The following NAV3 variants were observed in gnomAD, a reference collection of about 807,000 sequenced individuals.
NAV3 encodes the protein neuron navigator 3.
A neutral mutation model predicts 244.7 loss-of-function variants in NAV3; 87 were observed. The observed-to-expected ratio is 0.36, with a 90% CI of 0.30 to 0.42. NAV3 has a LOEUF of 0.42. Ranked by LOEUF, NAV3 falls within the 20% of genes least tolerant of loss-of-function variation. NAV3 has a pLI of 1.00. For missense variants in NAV3, 2,663 were observed against 2,893.3 expected, an observed-to-expected ratio of 0.92 and a Z score of 1.83; for synonymous variants, 1,126 against 1,042.2, an observed-to-expected ratio of 1.08 and a Z score of -1.55.
chr12:77,770,111 G>C (rs1404790194), intron 2 of NAV3, among the ~76,000 whole-genome samples: 1 of 152,148 alleles, frequency 6.6e-6, no homozygotes, highest in Non-Finnish European at 1.5e-5. Flanking sequence ...TGTAAGGCTA[G>C]AGCTCAACAG....
chr12:78,048,816 A>G (rs1882273372), intron 9 of NAV3, among the ~76,000 whole-genome samples: 1 of 152,166 alleles, frequency 6.6e-6, no homozygotes, highest in Non-Finnish European at 1.5e-5. Flanking sequence ...GCCTGCGCCC[A>G]CAGCCGCCCC....
intron 1 of NAV3, among the ~76,000 whole-genome samples, chr12:77,856,094 A>T (rs945948458): frequency 3.7e-4 from 56 of 152,290 alleles, no homozygotes; most frequent in African/African-American, 1.3e-3. Context: ...TATAATTTTT[A>T]AGAAACGTTC....
Position 78,148,839 on chromosome 12 carries a change from C to T in NAV3, c.4708-3C>T, listed in dbSNP as rs747342789. On this transcript the variant is annotated splice_polypyrimidine_tract_variant and splice_region_variant and intron_variant, in intron 21 of 39. Coordinates refer to ENST00000397909, the MANE Select transcript of NAV3 (RefSeq NM_001024383.2). Reference sequence around the variant, plus strand: ...TTCCATTGATTTTTTTAATTGCATTCAGCAAATCCATAAACTGCGGAGAGA... The same window carrying T: ...TTCCATTGATTTTTTTAATTGCATTTAGCAAATCCATAAACTGCGGAGAGA... 2.5e-6 allele frequency: 4 copies of T among 1,610,692 alleles called. No homozygotes were observed. The highest frequency in any genetic ancestry group is 3.4e-6 in the Non-Finnish European group (4 of 1,178,322).
At chr12:77,584,765 G>C (rs1869522588) in intron 2 of NAV3, among the ~76,000 whole-genome samples, 1 of 152,202 alleles carries the variant, frequency 6.6e-6, no homozygotes, top group Non-Finnish European at 1.5e-5. Flanking sequence ...CAGACAGTAT[G>C]TGCTACTTGG....
intron 12 of NAV3, among the ~76,000 whole-genome samples, chr12:78,086,796 G>A (rs1953660331): frequency 1.3e-5 from 2 of 151,972 alleles, no homozygotes; most frequent in Non-Finnish European, 2.9e-5. Flanking sequence ...TTTCCTCTAT[G>A]ATCACTTCTT....
intron 8 of NAV3, among the ~76,000 whole-genome samples, chr12:78,010,019 AGCC>A (rs1171975494): frequency 6.6e-6 from 1 of 152,198 alleles, no homozygotes; most frequent in Non-Finnish European, 1.5e-5. Context: ...CTTTGAGACC[AGCC>A]TGTACACCAG....
At chr12:77,938,671 A>G (rs1208360049) in intron 1 of NAV3, among the ~76,000 whole-genome samples, 2 of 152,114 alleles carry the variant, frequency 1.3e-5, no homozygotes, top group Non-Finnish European at 2.9e-5. Context: ...TAGGTTTTTG[A>G]CATATAACAA....
intron 2 of NAV3, among the ~76,000 whole-genome samples, chr12:77,721,027 T>G (rs1876602998): frequency 6.6e-6 from 1 of 152,180 alleles, no homozygotes; most frequent in Non-Finnish European, 1.5e-5. Flanking sequence ...TTTTTATTTG[T>G]TTGCTTATTT....
At position 78,050,928 on chromosome 12, in the gene NAV3, G is replaced by T. The variant is rs1285342555; in HGVS notation, c.2297G>T (p.Ser766Ile). 6.2e-7 allele frequency: 1 copy of T among 1,613,904 alleles called. No homozygotes were observed. Among genetic ancestry groups the T allele is most frequent in the African/African-American group, 1.3e-5 (1 of 74,920 alleles). Reference protein sequence around the residue: ...APSLGAGYPRSGTSRFIHTDP... With the variant: ...APSLGAGYPRIGTSRFIHTDP... The stretch of plus-strand genomic sequence containing the variant: ...TCCCTGGGTGCTGGCTATCCTCGCA[G>T]TGGTACCAGTCGATTCATCCACACA... Residue 766 changes from serine to isoleucine, a missense_variant, in exon 11 of 40, where the codon AGT becomes ATT. Transcript: ENST00000397909.
chr12:77,718,675 G>T (rs57674865), intron 2 of NAV3, among the ~76,000 whole-genome samples: 1 of 151,032 alleles, frequency 6.6e-6, no homozygotes, highest in South Asian at 2.1e-4. Context: ...CTTTTTTTTC[G>T]AGACAGAGTT....
intron 2 of NAV3, among the ~76,000 whole-genome samples, chr12:77,792,988 G>T (rs1312863110): frequency 6.6e-6 from 1 of 152,128 alleles, no homozygotes; most frequent in Non-Finnish European, 1.5e-5. Context: ...GGGATATTCT[G>T]AGAGGCTTCC....
intron 2 of NAV3, among the ~76,000 whole-genome samples, chr12:77,666,913 A>C (rs181100602): frequency 7.2e-5 from 11 of 152,312 alleles, no homozygotes; most frequent in Admixed American, 2.0e-4. Context: ...CAAAACATTT[A>C]ATGGCTACCT....
At chr12:77,750,852 G>A (rs1459647069) in intron 2 of NAV3, among the ~76,000 whole-genome samples, 2 of 152,176 alleles carry the variant, frequency 1.3e-5, no homozygotes, top group East Asian at 1.9e-4. Context: ...CTCACAGCAA[G>A]TGATAATCAA....
chr12:78,092,926 TA>T (rs5799372), intron 12 of NAV3, among the ~76,000 whole-genome samples: 151,144 of 152,334 alleles, frequency 0.99, 74,999 homozygotes, highest in East Asian at 1. Flanking sequence ...ACAATGTATG[TA>T]ACTTGGCTTT....
At chr12:78,150,235 T>A (rs1334952442) in intron 22 of NAV3, among the ~76,000 whole-genome samples, 1 of 152,040 alleles carries the variant, frequency 6.6e-6, no homozygotes, top group Admixed American at 6.6e-5. Flanking sequence ...CCTCCTGGGT[T>A]GTGTTTATCT....
rs151290975 is a variant in NAV3 at position 77,705,390 on chromosome 12, C to T, written c.72+133124C>T. On this transcript the variant is annotated intron_variant, in intron 2 of 8. Coordinates refer to the NAV3 transcript ENST00000550042. ...CTACACTTCAGCCTGGGTGACAGCACGAGACTCTGTCTCAAAAAAACAAAC... is the reference window on the plus strand; with the variant it reads ...CTACACTTCAGCCTGGGTGACAGCATGAGACTCTGTCTCAAAAAAACAAAC... Among the ~76,000 whole-genome samples the T allele has an allele frequency of 9.9e-5, 15 of 151,458 alleles. No individual in the cohort carries two copies. The East Asian group carries it at 2.7e-3, about 27-fold the overall frequency.
At chr12:78,038,511 A>G (rs943879858) in intron 9 of NAV3, among the ~76,000 whole-genome samples, 1 of 152,194 alleles carries the variant, frequency 6.6e-6, no homozygotes, top group Admixed American at 6.5e-5. Context: ...GAAAGCTTAT[A>G]GAGATAGCAG....
At chr12:77,915,876 G>C (rs1887094332) in intron 1 of NAV3, among the ~76,000 whole-genome samples, 1 of 151,990 alleles carries the variant, frequency 6.6e-6, no homozygotes, top group Non-Finnish European at 1.5e-5. Context: ...TGGCCATAGA[G>C]CAGTGAGCAA....
rs148656374 is a variant in NAV3, at chr12:78,091,261, C to A, written c.2637-25511C>A. Among the ~76,000 whole-genome samples, 616 of 152,186 alleles carry A rather than the reference C, an allele frequency of 4.0e-3. 6 individuals carry two copies. The highest frequency in any genetic ancestry group is 0.014 in the African/African-American group (564 of 41,538). ...GAATATAACAATAGTAGTAACTTTA[C>A]TTTTGTCCTTAATGTTGACTTCAGA... On this transcript the variant is annotated intron_variant, in intron 12 of 39. Transcript: ENST00000397909.
Sources: gnomAD v4.1 joint callset for allele counts (sites outside exome capture counted in the v4.1 genomes callset) on GRCh38, gnomAD v4.1.1 for gene constraint, MANE v1.5 for transcripts, NCBI Gene and HGNC (gene_info 2026-07-23, HGNC 2026-07-21) for gene names.